The following DCLK2 variants were observed in gnomAD, a reference collection of about 807,000 sequenced individuals.
The protein encoded by DCLK2 is serine/threonine-protein kinase DCLK2.
DCLK2 carries 31 observed loss-of-function variants against 78.4 expected under a neutral mutation model. The ratio of observed to expected loss-of-function variants is 0.40; its 90% CI spans 0.30 to 0.53. The LOEUF is 0.53. DCLK2 is among the 20% of genes least tolerant of loss of function. The pLI, the probability that DCLK2 is intolerant of heterozygous loss-of-function variation, is 0.61. For synonymous variants in DCLK2, 407 were observed against 374.9 expected (o/e 1.09, Z -0.99); for missense variants, 872 against 973.7 (o/e 0.90, Z 1.39).
intron 1 of DCLK2, among the ~76,000 whole-genome samples, chr4:150,101,016 G>C (rs1280121007): frequency 2.0e-5 from 3 of 152,126 alleles, no homozygotes; most frequent in Non-Finnish European, 2.9e-5. Flanking sequence ...ACTTTGGGAG[G>C]TCAAGGTGGG....
intron 2 of DCLK2, among the ~76,000 whole-genome samples, chr4:150,173,864 C>T (rs1286385882): frequency 1.3e-5 from 2 of 152,094 alleles, no homozygotes; most frequent in Admixed American, 6.5e-5. Context: ...ATGAACAGCT[C>T]ATGGCAGTGA....
At chr4:150,247,357 T>C (rs962367665) in intron 12 of DCLK2, among the ~76,000 whole-genome samples, 1 of 152,204 alleles carries the variant, frequency 6.6e-6, no homozygotes, top group African/African-American at 2.4e-5. Flanking sequence ...CTGCATTCAT[T>C]AAGCAAATGT....
Position 150,256,389 on chromosome 4 carries a change from ACCGGAGCCTGGCGTG to A in DCLK2, c.*155_*169del, listed in dbSNP as rs1276644762. The A allele has an allele frequency of 2.7e-5, 32 of 1,199,584 alleles. No homozygotes were observed. Among genetic ancestry groups the A allele is most frequent in the African/African-American group, 1.1e-4 (7 of 63,688 alleles). The allele number at this position is 1,199,584 out of a possible 1,614,324, so 74.3% of individuals were successfully genotyped here. On this transcript the variant is annotated 3_prime_UTR_variant, in exon 16 of 16. Coordinates refer to ENST00000296550, the MANE Select transcript of DCLK2 (RefSeq NM_001040260.4). Reference sequence around the variant, plus strand: ...CGGGTCCTCCGCAGGCCGCCTGGGAACCGGAGCCTGGCGTGCCGGAGCCTGGCCTGGTGCTCTGGG... The same window carrying A: ...CGGGTCCTCCGCAGGCCGCCTGGGAACCGGAGCCTGGCCTGGTGCTCTGGG...
intron 2 of DCLK2, among the ~76,000 whole-genome samples, chr4:150,173,095 T>TCTC (rs5862910): frequency 0.095 from 14,440 of 152,134 alleles, 786 homozygotes; most frequent in East Asian, 0.15. Context: ...GATCTTCTGT[T>TCTC]CTCCTTCCCT....
intron 2 of DCLK2, among the ~76,000 whole-genome samples, chr4:150,190,287 A>G (rs1394463249): frequency 7.2e-5 from 10 of 139,326 alleles, no homozygotes; most frequent in South Asian, 2.2e-4. Flanking sequence ...AGATAGATAG[A>G]TAGATAGATA....
chr4:150,106,931 G>A (rs1040074334), intron 2 of DCLK2, among the ~76,000 whole-genome samples: 1 of 152,204 alleles, frequency 6.6e-6, no homozygotes, highest in Non-Finnish European at 1.5e-5. Context: ...TTAGGACTTT[G>A]TCTGTATTAA....
chr4:150,191,941 C>G (rs1332710749), intron 2 of DCLK2, among the ~76,000 whole-genome samples: 1 of 152,132 alleles, frequency 6.6e-6, no homozygotes, highest in Non-Finnish European at 1.5e-5. Context: ...TCAGCCTGTT[C>G]AAGTACTAGA....
intron 1 of DCLK2, 107 bp from the exon 2 acceptor site, chr4:150,102,371 C>A: frequency 2.0e-6 from 2 of 1,023,398 alleles, no homozygotes; most frequent in East Asian, 2.5e-5. Context: ...TTAGTGAACC[C>A]ACTAAGGTTA....
At chr4:150,128,176 T>C (rs1733050233) in intron 2 of DCLK2, among the ~76,000 whole-genome samples, 1 of 152,150 alleles carries the variant, frequency 6.6e-6, no homozygotes, top group African/African-American at 2.4e-5. Flanking sequence ...CTGCCACATA[T>C]TCTACAGTGC....
At chr4:150,137,233 G>C (rs1043210386) in intron 2 of DCLK2, among the ~76,000 whole-genome samples, 4 of 151,912 alleles carry the variant, frequency 2.6e-5, no homozygotes, top group African/African-American at 9.7e-5. Flanking sequence ...GAGTTAGCTG[G>C]GACAGGTTGT....
intron 12 of DCLK2, among the ~76,000 whole-genome samples, chr4:150,242,023 T>A (rs982693265): frequency 6.6e-6 from 1 of 152,242 alleles, no homozygotes; most frequent in African/African-American, 2.4e-5. Context: ...TGGTTTTATC[T>A]TCTTTTCCAT....
intron 1 of DCLK2, among the ~76,000 whole-genome samples, chr4:150,100,101 C>T (rs1461332637): frequency 6.6e-6 from 1 of 152,134 alleles, no homozygotes; most frequent in Non-Finnish European, 1.5e-5. Context: ...TTAGTAGAGA[C>T]AGGATCTTGC....
chr4:150,249,756 G>A (rs1048166449), intron 15 of DCLK2, 72 bp downstream of exon 15: 5 of 1,253,182 alleles, frequency 4.0e-6, no homozygotes, highest in East Asian at 2.3e-5. Flanking sequence ...GTAGCCGGGA[G>A]CTGCCCTCAC....
chr4:150,124,095 T>G (rs1580546240), intron 2 of DCLK2, among the ~76,000 whole-genome samples: 1 of 152,242 alleles, frequency 6.6e-6, no homozygotes, highest in Admixed American at 6.5e-5. Flanking sequence ...CAAGACAAAC[T>G]TTCATGAATA....
At chr4:150,255,950 C>T in intron 15 of DCLK2, 70 bp from the exon 16 acceptor site, 1 of 1,567,014 alleles carries the variant, frequency 6.4e-7, no homozygotes, top group Non-Finnish European at 8.7e-7. Flanking sequence ...CTGTTGTGCT[C>T]TCTGCTCGTG....
chr4:150,193,321 G>T (rs1738612055), intron 3 of DCLK2, 81 bp downstream of exon 3: 2 of 870,154 alleles, frequency 2.3e-6, no homozygotes, highest in South Asian at 1.9e-5. Flanking sequence ...CACTCAGTTG[G>T]TGCATGTTAA....
At chr4:150,245,732 G>T (rs1338842317) in intron 12 of DCLK2, among the ~76,000 whole-genome samples, 1 of 152,196 alleles carries the variant, frequency 6.6e-6, no homozygotes, top group Non-Finnish European at 1.5e-5. Context: ...ATTCCATGGT[G>T]TATATGTGCC....
rs1395917705 is a variant in DCLK2, at chr4:150,195,443, AATATATATT to A, written c.859+2205_859+2213del. 3.1e-4 allele frequency among the ~76,000 whole-genome samples: 14 copies of A among 44,816 alleles called. 2 individuals carry two copies. In the East Asian group the frequency reaches 6.7e-3, roughly 22 times the overall value. 29.4% of individuals were successfully genotyped at this position (44,816 alleles called of 152,430 possible). Reference sequence around the variant, plus strand: ...ATATAATATTATATATTATATATATAATATATATTAGATATATTATATATTATATATATT... The same window carrying A: ...ATATAATATTATATATTATATATATAAGATATATTATATATTATATATATT... On this transcript the variant is annotated intron_variant, in intron 3 of 15. Transcript: ENST00000296550.
At chr4:150,201,381 A>G (rs996642007) in intron 4 of DCLK2, among the ~76,000 whole-genome samples, 2 of 152,172 alleles carry the variant, frequency 1.3e-5, no homozygotes, top group Non-Finnish European at 2.9e-5. Context: ...CAGGGCCCCC[A>G]TTAGCCTCCC....
Sources: allele counts gnomAD v4.1 joint callset (sites outside exome capture counted in the v4.1 genomes callset), GRCh38; gene constraint gnomAD v4.1.1; transcripts MANE v1.5; gene names NCBI Gene and HGNC (gene_info 2026-07-23, HGNC 2026-07-21).